TRAPPC9: variants seen among roughly 807,000 people sequenced by gnomAD.
The protein encoded by TRAPPC9 is trafficking protein particle complex subunit 9, also known as IKK2 binding protein.
Under a neutral mutation model 124.0 loss-of-function variants are expected in TRAPPC9, and 83 were observed. The observed-to-expected ratio is 0.67, with a 90% confidence interval of 0.56 to 0.80. The LOEUF (loss-of-function observed/expected upper bound fraction) is 0.80, where lower values mean the gene tolerates loss of function less well. Ranked by LOEUF, TRAPPC9 falls within the 30% of genes least tolerant of loss-of-function variation. The pLI, the probability that TRAPPC9 is intolerant of heterozygous loss-of-function variation, is 0.00. For synonymous variants in TRAPPC9, 638 were observed against 617.5 expected, an observed-to-expected ratio of 1.03 and a Z score of -0.49; for missense variants, 1,302 against 1,508.3, an observed-to-expected ratio of 0.86 and a Z score of 2.27.
intron 9 of TRAPPC9, among the ~76,000 whole-genome samples, chr8:140,352,394 T>C (rs2067613336): frequency 6.6e-6 from 1 of 152,256 alleles, no homozygotes; most frequent in Non-Finnish European, 1.5e-5. Context: ...AAGTTTAAGA[T>C]GCTTAAACAA....
chr8:140,018,236 G>C (rs1027315989), intron 18 of TRAPPC9, among the ~76,000 whole-genome samples: 28 of 151,658 alleles, frequency 1.8e-4, no homozygotes, highest in South Asian at 4.2e-4. Flanking sequence ...GTTTTCCTAA[G>C]TGTTTTATTA....
intron 17 of TRAPPC9, among the ~76,000 whole-genome samples, chr8:140,177,292 G>A (rs1004693404): frequency 6.6e-6 from 1 of 152,120 alleles, no homozygotes; most frequent in African/African-American, 2.4e-5. Flanking sequence ...TTAAGTCTAT[G>A]ATCCATTTTG....
intron 13 of TRAPPC9, among the ~76,000 whole-genome samples, chr8:140,285,492 G>C (rs184263438): frequency 6.6e-6 from 1 of 152,204 alleles, no homozygotes; most frequent in Admixed American, 6.5e-5. Flanking sequence ...TTCAAATAAC[G>C]CAGCAGCCCC....
intron 21 of TRAPPC9, among the ~76,000 whole-genome samples, chr8:139,766,123 C>A (rs1820568752): frequency 6.6e-6 from 1 of 152,242 alleles, no homozygotes; most frequent in Non-Finnish European, 1.5e-5. Context: ...CCTGTCAAAT[C>A]CCCTTGGCCC....
intron 17 of TRAPPC9, among the ~76,000 whole-genome samples, chr8:140,193,651 G>C (rs1011918452): frequency 1.2e-4 from 17 of 142,170 alleles, no homozygotes; most frequent in Admixed American, 1.1e-3. Context: ...AAAAAAGCTT[G>C]GTTGGTAATT....
At chr8:140,457,566 A>T in intron 1 of TRAPPC9, 73 bp downstream of exon 1, 1 of 980,016 alleles carries the variant, frequency 1.0e-6, no homozygotes, top group Non-Finnish European at 1.2e-6. Context: ...CGCCGACTCC[A>T]CGGCCAGCCG....
intron 17 of TRAPPC9, among the ~76,000 whole-genome samples, chr8:140,179,000 G>A (rs1037200824): frequency 7.9e-5 from 12 of 151,996 alleles, no homozygotes; most frequent in African/African-American, 1.7e-4. Flanking sequence ...TTCTTATCTT[G>A]GTAAGTCTGG....
intron 17 of TRAPPC9, among the ~76,000 whole-genome samples, chr8:140,113,216 T>C (rs2060815320): frequency 6.6e-6 from 1 of 152,216 alleles, no homozygotes; most frequent in Admixed American, 6.5e-5. Flanking sequence ...CATAGTCCCC[T>C]GGACAGAGGG....
intron 9 of TRAPPC9, 32 bp downstream of exon 9, chr8:140,360,018 G>GA (rs776862834): frequency 8.1e-6 from 13 of 1,612,986 alleles, no homozygotes; most frequent in African/African-American, 4.0e-5. Context: ...ACAGTTCCTT[G>GA]AAAAAAAACA....
In TRAPPC9 at chr8:140,216,336, CAGCA is replaced by C. The variant is rs2063193703; in HGVS notation, c.2556+5119_2556+5122del. The stretch of plus-strand genomic sequence containing the variant: ...CATTTATAATGATTCCAAAGAAAAA[CAGCA>C]CATTCACCCTTGCAACACTCAATTG... On this transcript the variant is annotated intron_variant, in intron 17 of 22. Coordinates refer to ENST00000438773, the MANE Select transcript of TRAPPC9 (RefSeq NM_001160372.4). The surrounding 1 kb of genome is among the most constrained non-coding windows in gnomAD (Gnocchi z 4.1). Among the ~76,000 whole-genome samples, 1 of 152,072 alleles carries C rather than the reference CAGCA, an allele frequency of 6.6e-6. No homozygotes were observed. The highest frequency in any genetic ancestry group is 1.5e-5 in the Non-Finnish European group (1 of 68,002).
chr8:140,451,460 G>T, intron 1 of TRAPPC9, 77 bp from the exon 2 acceptor site: 1 of 1,260,338 alleles, frequency 7.9e-7, no homozygotes, highest in Non-Finnish European at 1.1e-6. Flanking sequence ...GGCAGTGACT[G>T]TGACCTTCAC....
chr8:139,792,089 C>G (rs997735525), intron 21 of TRAPPC9, among the ~76,000 whole-genome samples: 1 of 152,152 alleles, frequency 6.6e-6, no homozygotes, highest in Non-Finnish European at 1.5e-5. Context: ...TTTCTGTCCC[C>G]GTCAACATTT....
chr8:140,253,276 C>A (rs970320046), intron 15 of TRAPPC9, among the ~76,000 whole-genome samples: 1 of 152,112 alleles, frequency 6.6e-6, no homozygotes, highest in Non-Finnish European at 1.5e-5. Flanking sequence ...AATTTCTCCA[C>A]AATGAATATT....
chr8:140,205,364 A>T (rs1215193039), intron 17 of TRAPPC9, among the ~76,000 whole-genome samples: 1 of 152,248 alleles, frequency 6.6e-6, no homozygotes, highest in African/African-American at 2.4e-5. Flanking sequence ...TAAGAACAAG[A>T]ACCCAAACTA....
intron 19 of TRAPPC9, among the ~76,000 whole-genome samples, chr8:139,960,185 G>T (rs937741995): frequency 6.6e-6 from 1 of 152,168 alleles, no homozygotes; most frequent in Non-Finnish European, 1.5e-5. Flanking sequence ...ACCTGTGGTC[G>T]GCATACTTTG....
At chr8:139,774,347 C>T (rs1222634995) in intron 21 of TRAPPC9, among the ~76,000 whole-genome samples, 3 of 152,004 alleles carry the variant, frequency 2.0e-5, no homozygotes, top group Non-Finnish European at 4.4e-5. Context: ...GGACTGGGGG[C>T]GCGGTGGGCT....
At chr8:140,106,184 T>G (rs1018954074) in intron 17 of TRAPPC9, among the ~76,000 whole-genome samples, 2 of 152,078 alleles carry the variant, frequency 1.3e-5, no homozygotes, top group Non-Finnish European at 2.9e-5. Context: ...GCCTGCTTCC[T>G]CATTCAGCAC....
chr8:139,757,544 C>T (rs1011089640), intron 21 of TRAPPC9, among the ~76,000 whole-genome samples: 3 of 151,722 alleles, frequency 2.0e-5, no homozygotes, highest in Admixed American at 1.3e-4. Flanking sequence ...GACAGCGTGT[C>T]GCCGGAGGAG....
At chr8:140,197,789 G>T (rs996269279) in intron 17 of TRAPPC9, among the ~76,000 whole-genome samples, 24 of 151,920 alleles carry the variant, frequency 1.6e-4, no homozygotes, top group African/African-American at 5.8e-4. Flanking sequence ...TTGTCACGGG[G>T]GAGCCAGCAC....
Sources: allele counts gnomAD v4.1 joint callset (sites outside exome capture counted in the v4.1 genomes callset), GRCh38; gene constraint gnomAD v4.1.1; non-coding constraint Gnocchi (gnomAD v3.1); transcripts MANE v1.5; gene names NCBI Gene and HGNC (gene_info 2026-07-23, HGNC 2026-07-21).